The following TRPM3 variants were observed in gnomAD, a reference collection of about 807,000 sequenced individuals.
TRPM3 encodes the protein transient receptor potential cation channel subfamily M member 3.
A neutral mutation model predicts 181.2 loss-of-function variants in TRPM3; 77 were observed. The observed-to-expected ratio is 0.42, with a 90% CI of 0.35 to 0.51. The LOEUF (loss-of-function observed/expected upper bound fraction) is 0.51, where lower values mean the gene tolerates loss of function less well. Among genes scored for constraint, TRPM3 ranks in the 20% least tolerant of loss-of-function variants. The probability of loss-of-function intolerance (pLI) is 0.01; values close to 1 mark genes in which losing one functional copy is unlikely to be tolerated. For synonymous variants in TRPM3, 745 were observed against 796.4 expected, an observed-to-expected ratio of 0.94 and a Z score of 1.09; for missense variants, 1,759 against 2,196.7, an observed-to-expected ratio of 0.80 and a Z score of 3.98.
At chr9:71,361,532 T>G (rs921806213) in intron 1 of TRPM3, among the ~76,000 whole-genome samples, 6 of 152,194 alleles carry the variant, frequency 3.9e-5, no homozygotes, top group Non-Finnish European at 7.3e-5. Context: ...ACGTAGTAAC[T>G]ACAGGAGTTT....
At chr9:71,419,965 A>G (rs1339541240) in intron 1 of TRPM3, among the ~76,000 whole-genome samples, 2 of 152,020 alleles carry the variant, frequency 1.3e-5, no homozygotes, top group Admixed American at 1.3e-4. Context: ...AAAATACAAC[A>G]TAACTATTCT....
chr9:70,580,656 G>A (rs1472361878), intron 22 of TRPM3, among the ~76,000 whole-genome samples: 1 of 152,112 alleles, frequency 6.6e-6, no homozygotes, highest in Non-Finnish European at 1.5e-5. Flanking sequence ...CATGCCTCTG[G>A]TTTTGTACAT....
chr9:70,653,849 T>C (rs915884179), intron 9 of TRPM3, among the ~76,000 whole-genome samples: 2 of 152,084 alleles, frequency 1.3e-5, no homozygotes, highest in African/African-American at 4.8e-5. Context: ...CTCACCCCTG[T>C]TGGGGTGTTC....
intron 20 of TRPM3, among the ~76,000 whole-genome samples, chr9:70,601,147 T>C (rs1198034616): frequency 3.9e-5 from 6 of 152,172 alleles, no homozygotes; most frequent in African/African-American, 4.8e-5. Context: ...GCTAAAACCC[T>C]GAGTCTCAGT....
At chr9:71,442,663 A>G (rs1031700015) in intron 1 of TRPM3, among the ~76,000 whole-genome samples, 1 of 152,356 alleles carries the variant, frequency 6.6e-6, no homozygotes, top group East Asian at 1.9e-4. Flanking sequence ...GAGGATAAAT[A>G]TACTTAATTG....
chr9:70,961,242 A>G (rs1232282247), intron 1 of TRPM3, among the ~76,000 whole-genome samples: 1 of 152,124 alleles, frequency 6.6e-6, no homozygotes, highest in African/African-American at 2.4e-5. Context: ...TGGTCTCTAG[A>G]AGCTGGAAAG....
At chr9:70,763,586 G>T (rs2078557099) in intron 7 of TRPM3, among the ~76,000 whole-genome samples, 1 of 152,154 alleles carries the variant, frequency 6.6e-6, no homozygotes, top group African/African-American at 2.4e-5. Context: ...TATTCTGAAT[G>T]ATTCTGTGGT....
At position 71,282,025 on chromosome 9, in the gene TRPM3, C is replaced by T. The variant is rs531159755; in HGVS notation, c.183+164628G>A. ...GTGGCAAGCCAAGACCACAACATTG[C>T]TCTCCAGCCTGGGCAACAAGGGCAA... On this transcript the variant is annotated intron_variant, in intron 1 of 24. Transcript: ENST00000357533. 1.4e-4 allele frequency among the ~76,000 whole-genome samples: 21 copies of T among 150,928 alleles called. 2 individuals carry two copies. Among genetic ancestry groups the T allele is most frequent in the Non-Finnish European group, 2.8e-4 (19 of 67,836 alleles).
chr9:70,824,196 A>T (rs2093397371), intron 6 of TRPM3, among the ~76,000 whole-genome samples: 1 of 152,020 alleles, frequency 6.6e-6, no homozygotes, highest in African/African-American at 2.4e-5. Flanking sequence ...CTAAGTGATG[A>T]GGGGGAATGG....
At chr9:70,627,093 A>T (rs2064774746) in intron 12 of TRPM3, among the ~76,000 whole-genome samples, 1 of 99,202 alleles carries the variant, frequency 1.0e-5, no homozygotes. Flanking sequence ...AAAACCAAGT[A>T]GCCACAATCT....
chr9:71,077,819 T>C (rs1226942515), intron 1 of TRPM3, among the ~76,000 whole-genome samples: 1 of 152,164 alleles, frequency 6.6e-6, no homozygotes, highest in African/African-American at 2.4e-5. Flanking sequence ...AACTACTTAT[T>C]GTTGCTAGAT....
chr9:70,657,414 G>A (rs535575525), intron 9 of TRPM3, among the ~76,000 whole-genome samples: 1 of 151,710 alleles, frequency 6.6e-6, no homozygotes, highest in Non-Finnish European at 1.5e-5. Flanking sequence ...TTTTTCCTTG[G>A]GTTCTGTTTG....
intron 5 of TRPM3, among the ~76,000 whole-genome samples, chr9:70,839,632 A>C (rs2094521661): frequency 6.6e-6 from 1 of 152,230 alleles, no homozygotes; most frequent in Admixed American, 6.6e-5. Context: ...AATATCAGGC[A>C]TAAGAAATGG....
intron 1 of TRPM3, among the ~76,000 whole-genome samples, chr9:71,165,603 G>T (rs2076502341): frequency 6.6e-6 from 1 of 152,116 alleles, no homozygotes; most frequent in African/African-American, 2.4e-5. Flanking sequence ...CCACGCACCA[G>T]TCTTTCTCCC....
In TRPM3 at chr9:70,682,703, A is replaced by G. The variant is rs192094685; in HGVS notation, c.1273-1125T>C. ...AGAGGGAAAGAAAAATTTCCAAACA[A>G]TGCTTAACAATAATGAAGCATTTGT... On this transcript the variant is annotated intron_variant, in intron 8 of 25. Coordinates refer to ENST00000677713, the MANE Select transcript of TRPM3 (RefSeq NM_001366145.2). Among the ~76,000 whole-genome samples, 564 of 152,302 alleles carry G rather than the reference A, an allele frequency of 3.7e-3. 4 individuals carry two copies. The highest frequency in any genetic ancestry group is 0.02 in the South Asian group (95 of 4,828).
At chr9:71,298,204 A>G (rs1017319010) in intron 1 of TRPM3, among the ~76,000 whole-genome samples, 4 of 152,214 alleles carry the variant, frequency 2.6e-5, no homozygotes, top group Admixed American at 6.5e-5. Flanking sequence ...AGAGCAGAAT[A>G]TAAGATATAT....
chr9:71,364,713 G>A (rs957682565), intron 1 of TRPM3, among the ~76,000 whole-genome samples: 1 of 152,212 alleles, frequency 6.6e-6, no homozygotes, highest in African/African-American at 2.4e-5. Flanking sequence ...TACAGCTTGA[G>A]AGTAGTATGT....
rs1564463338 is a variant in TRPM3 at position 70,591,223 on chromosome 9, C to A, written c.3049-18G>T. 1 of 1,607,870 alleles carries A rather than the reference C, an allele frequency of 6.2e-7. No homozygotes were observed. The highest frequency in any genetic ancestry group is 1.1e-5 in the South Asian group (1 of 90,936). On this transcript the variant is annotated intron_variant, in intron 21 of 25. Coordinates refer to ENST00000677713, the MANE Select transcript of TRPM3 (RefSeq NM_001366145.2). ...TCTATCATCTGGAAGGGTGGGGAAG[C>A]AGAGGGAGAAACAAGAGAAAACCCA... is the stretch of plus-strand genomic sequence containing the variant.
Position 71,262,990 on chromosome 9 carries a change from T to A in TRPM3, c.183+183663A>T, listed in dbSNP as rs746902780. ...TCCTTTACCTTTAATTTCTTGATGG[T>A]AATAACTGTATTTGATTATCTAATA... On this transcript the variant is annotated intron_variant, in intron 1 of 24. Coordinates refer to the TRPM3 transcript ENST00000357533. 1.4e-4 allele frequency among the ~76,000 whole-genome samples: 21 copies of A among 152,360 alleles called. No individual in the cohort carries two copies. In the South Asian group the frequency reaches 2.5e-3, roughly 18 times the overall value.
Sources: gnomAD v4.1 joint callset for allele counts (sites outside exome capture counted in the v4.1 genomes callset) on GRCh38, gnomAD v4.1.1 for gene constraint, MANE v1.5 for transcripts, NCBI Gene and HGNC (gene_info 2026-07-23, HGNC 2026-07-21) for gene names.